The following EPHA3 variants were observed in gnomAD, a reference collection of about 807,000 sequenced individuals.
The protein encoded by EPHA3 is ephrin type-A receptor 3.
EPHA3 carries 42 observed loss-of-function variants against 107.1 expected under a neutral mutation model. The ratio of observed to expected loss-of-function variants is 0.39; its 90% confidence interval spans 0.31 to 0.51. The LOEUF (loss-of-function observed/expected upper bound fraction) is 0.51. EPHA3 is among the 20% of genes least tolerant of loss of function. The pLI is 0.78. For missense variants in EPHA3, 1,183 were observed against 1,211.2 expected (o/e 0.98, Z 0.35); for synonymous variants, 461 against 424.8 (o/e 1.09, Z -1.05).
At chr3:89,409,800 A>T (rs1261745988) in intron 9 of EPHA3, among the ~76,000 whole-genome samples, 3 of 152,080 alleles carry the variant, frequency 2.0e-5, no homozygotes, top group Non-Finnish European at 2.9e-5. Context: ...ATATTGCTTC[A>T]AAAGGAAAGA....
chr3:89,297,824 C>T (rs1374398535), intron 3 of EPHA3, among the ~76,000 whole-genome samples: 1 of 152,090 alleles, frequency 6.6e-6, no homozygotes, highest in Non-Finnish European at 1.5e-5. Flanking sequence ...CACTTGAGGT[C>T]AGGGGTTTGA....
At chr3:89,345,862 C>T (rs533765313) in intron 5 of EPHA3, among the ~76,000 whole-genome samples, 3 of 137,546 alleles carry the variant, frequency 2.2e-5, no homozygotes, top group East Asian at 4.2e-4. Context: ...TGAGAATATG[C>T]GGTGTTTGGT....
chr3:89,110,816 A>G (rs973021529), intron 1 of EPHA3, among the ~76,000 whole-genome samples: 15 of 152,086 alleles, frequency 9.9e-5, no homozygotes, highest in Non-Finnish European at 7.4e-5. Context: ...ACTGGATATA[A>G]AATAAAATTA....
intron 15 of EPHA3, among the ~76,000 whole-genome samples, chr3:89,471,513 C>T (rs1710401516): frequency 6.6e-6 from 1 of 152,112 alleles, no homozygotes; most frequent in Non-Finnish European, 1.5e-5. Flanking sequence ...GGATTACAGG[C>T]ATGTGCCACC....
intron 3 of EPHA3, among the ~76,000 whole-genome samples, chr3:89,285,397 T>A (rs1188265231): frequency 1.3e-5 from 2 of 152,162 alleles, no homozygotes; most frequent in African/African-American, 4.8e-5. Context: ...GACAAAAATA[T>A]CTACACTGGT....
chr3:89,456,545 C>G (rs574888965), intron 15 of EPHA3, among the ~76,000 whole-genome samples: 9 of 152,238 alleles, frequency 5.9e-5, no homozygotes, highest in African/African-American at 1.9e-4. Context: ...CATCATTTCA[C>G]TTTTCAGCCT....
At chr3:89,180,759 C>A (rs1705426213) in intron 2 of EPHA3, among the ~76,000 whole-genome samples, 2 of 151,870 alleles carry the variant, frequency 1.3e-5, no homozygotes, top group Admixed American at 1.3e-4. Context: ...AGACTTGTTT[C>A]CATGAAACTC....
intron 13 of EPHA3, among the ~76,000 whole-genome samples, chr3:89,442,861 G>T (rs1198390965): frequency 6.6e-6 from 1 of 152,148 alleles, no homozygotes; most frequent in Non-Finnish European, 1.5e-5. Flanking sequence ...CATAAGTCTT[G>T]TGTGCCTGTT....
At chr3:89,227,582 G>A (rs544336108) in intron 3 of EPHA3, among the ~76,000 whole-genome samples, 1 of 151,970 alleles carries the variant, frequency 6.6e-6, no homozygotes, top group Admixed American at 6.6e-5. Context: ...GGAATGTGGG[G>A]CAAAATTTCT....
rs376696829 is a variant in EPHA3 at position 89,163,951 on chromosome 3, C to T, written c.153+36678C>T. ...AATGAGATCTTTAAATCTGATTGTG[C>T]CTAGTTTTTTTGTATAGAGAAGTCA... On this transcript the variant is annotated intron_variant, in intron 2 of 16. Transcript: ENST00000336596. Among the ~76,000 whole-genome samples, 6 of 152,174 alleles carry T rather than the reference C, an allele frequency of 3.9e-5. 1 individual carries two copies. Among genetic ancestry groups the T allele is most frequent in the African/African-American group, 1.2e-4 (5 of 41,512 alleles).
intron 5 of EPHA3, among the ~76,000 whole-genome samples, chr3:89,375,378 C>T (rs1398343972): frequency 6.6e-6 from 1 of 151,668 alleles, no homozygotes; most frequent in African/African-American, 2.4e-5. Context: ...CCTGAAAACA[C>T]AGGCAGGGGA....
intron 5 of EPHA3, among the ~76,000 whole-genome samples, chr3:89,345,150 G>A (rs1707614574): frequency 6.6e-6 from 1 of 150,834 alleles, no homozygotes; most frequent in African/African-American, 2.4e-5. Flanking sequence ...TATAGAATCT[G>A]CCGCTTTCCA....
chr3:89,390,001 A>T (rs761728411), intron 5 of EPHA3, among the ~76,000 whole-genome samples: 86 of 147,498 alleles, frequency 5.8e-4, no homozygotes, highest in African/African-American at 1.8e-3. Context: ...ACTTTTTTTA[A>T]ATTTTTTTGA....
chr3:89,293,444 A>C (rs1706265998), intron 3 of EPHA3, among the ~76,000 whole-genome samples: 1 of 152,074 alleles, frequency 6.6e-6, no homozygotes. Flanking sequence ...ACTTTCTTTT[A>C]AGGGGCCAGA....
At chr3:89,309,792 T>C (rs999334675) in intron 3 of EPHA3, among the ~76,000 whole-genome samples, 7 of 152,112 alleles carry the variant, frequency 4.6e-5, no homozygotes, top group Admixed American at 1.3e-4. Flanking sequence ...TAGTAAATAA[T>C]TAAATACAAA....
At chr3:89,197,932 T>C (rs1376220196) in intron 2 of EPHA3, among the ~76,000 whole-genome samples, 2 of 152,034 alleles carry the variant, frequency 1.3e-5, no homozygotes, top group Non-Finnish European at 2.9e-5. Context: ...GCCAAGATCA[T>C]GCCACTGTAC....
intron 12 of EPHA3, among the ~76,000 whole-genome samples, 157 bp from the exon 13 acceptor site, chr3:89,430,993 G>C (rs1709555385): frequency 6.6e-6 from 1 of 152,032 alleles, no homozygotes; most frequent in Non-Finnish European, 1.5e-5. Flanking sequence ...TTTCAGCCTT[G>C]TATCCATTTG....
intron 13 of EPHA3, among the ~76,000 whole-genome samples, chr3:89,437,201 A>G (rs908456674): frequency 6.6e-6 from 1 of 152,178 alleles, no homozygotes; most frequent in African/African-American, 2.4e-5. Context: ...AAAGTCCCTT[A>G]ATAACTAAAT....
intron 3 of EPHA3, among the ~76,000 whole-genome samples, chr3:89,241,511 A>G (rs1388642862): frequency 6.6e-6 from 1 of 152,190 alleles, no homozygotes; most frequent in Non-Finnish European, 1.5e-5. Flanking sequence ...TATTAAGACT[A>G]TTATACCTGC....
Sources: allele counts gnomAD v4.1 joint callset (sites outside exome capture counted in the v4.1 genomes callset), GRCh38; gene constraint gnomAD v4.1.1; transcripts MANE v1.5; gene names NCBI Gene and HGNC (gene_info 2026-07-23, HGNC 2026-07-21).